Variants in CMTM4 observed in about 807,000 individuals in gnomAD.
CMTM4 encodes CKLF like MARVEL transmembrane domain containing 4.
CMTM4 carries 8 observed loss-of-function variants against 19.0 expected under a neutral mutation model. The ratio of observed to expected loss-of-function variants is 0.42; its 90% CI spans 0.25 to 0.76. CMTM4 has a LOEUF of 0.76. Ranked by LOEUF, CMTM4 falls within the 30% of genes least tolerant of loss-of-function variation. The pLI, the probability that CMTM4 is intolerant of heterozygous loss-of-function variation, is 0.27. For missense variants in CMTM4, 228 were observed against 290.2 expected (o/e 0.79, Z 1.56); for synonymous variants, 106 against 121.1 (o/e 0.88, Z 0.82).
intron 1 of CMTM4, among the ~76,000 whole-genome samples, chr16:66,654,110 T>C (rs1042803623): frequency 1.3e-5 from 2 of 152,172 alleles, no homozygotes; most frequent in Non-Finnish European, 1.5e-5. Flanking sequence ...CAGTGACTTT[T>C]AGTATATTCA....
At chr16:66,656,202 G>T (rs191526902) in intron 1 of CMTM4, among the ~76,000 whole-genome samples, 13 of 152,002 alleles carry the variant, frequency 8.6e-5, no homozygotes, top group Admixed American at 8.5e-4. Flanking sequence ...AATTAAGAAG[G>T]GAGAAGGAAA....
At chr16:66,659,732 T>C (rs1310827654) in intron 1 of CMTM4, among the ~76,000 whole-genome samples, 3 of 152,234 alleles carry the variant, frequency 2.0e-5, no homozygotes, top group African/African-American at 7.2e-5. Context: ...ATATTTATAG[T>C]TGAAATGCTA....
At chr16:66,598,319 G>C in the CMTM4 span, among the ~76,000 whole-genome samples, 13 of 152,200 alleles carry the variant, frequency 8.5e-5, no homozygotes, top group Non-Finnish European at 4.4e-5. Flanking sequence ...TGGCAGGATG[G>C]ATGGTGACAT....
intron 1 of CMTM4, among the ~76,000 whole-genome samples, chr16:66,654,705 C>G (rs1596936280): frequency 6.6e-6 from 1 of 152,330 alleles, no homozygotes; most frequent in East Asian, 1.9e-4. Context: ...ACATTTACTT[C>G]TCTTCTCTGA....
rs1356833042 is a variant in CMTM4 at position 66,619,669 on chromosome 16, G to GT, written c.*2388dup. ...TTCCCTCCAGAACTTTCGTCACCACGTGGTCTATACATGATGACATGTGCA... is the reference window on the plus strand; with the variant it reads ...TTCCCTCCAGAACTTTCGTCACCACGTTGGTCTATACATGATGACATGTGCA... On this transcript the variant is annotated 3_prime_UTR_variant, in exon 4 of 4. Transcript: ENST00000394106. The GT allele has an allele frequency of 1.0e-6, 1 of 985,176 alleles. No individual in the cohort carries two copies. The highest frequency in any genetic ancestry group is 6.2e-5 in the Admixed American group (1 of 16,248). 61.0% of individuals were successfully genotyped at this position (985,176 alleles called of 1,614,324 possible).
At chr16:66,666,147 G>A (rs894194541) in intron 1 of CMTM4, among the ~76,000 whole-genome samples, 3 of 151,448 alleles carry the variant, frequency 2.0e-5, no homozygotes, top group African/African-American at 7.3e-5. Flanking sequence ...GTTCTGCAAA[G>A]GAAATTGTTA....
intron 1 of CMTM4, among the ~76,000 whole-genome samples, chr16:66,644,183 T>C (rs1340451272): frequency 6.6e-6 from 1 of 152,148 alleles, no homozygotes; most frequent in Non-Finnish European, 1.5e-5. Flanking sequence ...GCACACAAAA[T>C]TGCTTCCAAC....
At chr16:66,675,457 TAAAA>T (rs35189676) in intron 1 of CMTM4, among the ~76,000 whole-genome samples, 1 of 115,238 alleles carries the variant, frequency 8.7e-6, no homozygotes, top group African/African-American at 3.2e-5. Context: ...TATTATTCAT[TAAAA>T]AAAAAAAAAA....
intron 1 of CMTM4, among the ~76,000 whole-genome samples, chr16:66,694,437 T>C (rs1225695405): frequency 6.6e-6 from 1 of 152,018 alleles, no homozygotes; most frequent in East Asian, 1.9e-4. Flanking sequence ...AGGCAGGGTG[T>C]GGTGGCTCAC....
intron 1 of CMTM4, among the ~76,000 whole-genome samples, chr16:66,637,110 A>G (rs538774895): frequency 3.7e-4 from 56 of 152,352 alleles, no homozygotes; most frequent in African/African-American, 1.3e-3. Context: ...AATGATTGGT[A>G]TAATCTCCTT....
At chr16:66,604,986 G>A in the CMTM4 span, 1 of 1,441,850 alleles carries the variant, frequency 6.9e-7, no homozygotes, top group Admixed American at 2.8e-5. Context: ...CGCCCCGCTA[G>A]GACTGCGCGG....
chr16:66,636,686 A>G, intron 1 of CMTM4, 105 bp from the exon 2 acceptor site: 1 of 903,416 alleles, frequency 1.1e-6, no homozygotes, highest in East Asian at 2.5e-5. Context: ...ACATACTGCC[A>G]CTGAGTTTTC....
At chr16:66,632,672 G>A (rs1386203033) in intron 2 of CMTM4, among the ~76,000 whole-genome samples, 2 of 152,032 alleles carry the variant, frequency 1.3e-5, no homozygotes, top group East Asian at 1.9e-4. Flanking sequence ...GATCAGACAC[G>A]CCTTTTAGAT....
rs949665785 is a variant in CMTM4, at chr16:66,617,441, A to T, written c.*4617T>A. ...TATATTCCAGACAAAAGAAGGGAAA[A>T]TACAATAGGACCCACTCCGCTTCAA... is the stretch of plus-strand genomic sequence containing the variant. On this transcript the variant is annotated 3_prime_UTR_variant, in exon 4 of 4. Transcript: ENST00000394106. 5.2e-6 allele frequency: 8 copies of T among 1,538,810 alleles called. No homozygotes were observed. The African/African-American group carries it at 8.3e-5, about 16-fold the overall frequency.
the CMTM4 span, among the ~76,000 whole-genome samples, chr16:66,607,835 G>GT: frequency 0.038 from 5,467 of 144,990 alleles, 180 homozygotes; most frequent in East Asian, 0.15. Flanking sequence ...GCCATGCTGG[G>GT]TTTTTTTTTT....
At chr16:66,613,242 T>C, downstream of CMTM4, 1 of 661,548 alleles carries the variant, frequency 1.5e-6, no homozygotes. Context: ...AACTAACACC[T>C]CCCACCCTTG....
At chr16:66,599,523 G>A in the CMTM4 span, among the ~76,000 whole-genome samples, 1 of 151,300 alleles carries the variant, frequency 6.6e-6, no homozygotes, top group Non-Finnish European at 1.5e-5. Context: ...GGTCTCACTC[G>A]CTCACTTTAT....
chr16:66,646,090 C>T (rs984513953), intron 1 of CMTM4, among the ~76,000 whole-genome samples: 2 of 151,944 alleles, frequency 1.3e-5, no homozygotes, highest in Admixed American at 6.6e-5. Context: ...TGTGGACTGG[C>T]GGGGAAAGGG....
chr16:66,678,378 A>T (rs535014728), intron 1 of CMTM4, among the ~76,000 whole-genome samples: 2 of 152,294 alleles, frequency 1.3e-5, no homozygotes, highest in Non-Finnish European at 2.9e-5. Flanking sequence ...GCTGGATAAA[A>T]ATCCAGCCCC....
Sources: allele counts gnomAD v4.1 joint callset (sites outside exome capture counted in the v4.1 genomes callset), GRCh38; gene constraint gnomAD v4.1.1; transcripts MANE v1.5; gene names NCBI Gene and HGNC (gene_info 2026-07-23, HGNC 2026-07-21).